Variants in CCNYL1 observed in about 807,000 individuals in gnomAD.
CCNYL1 encodes the protein cyclin-Y-like protein 1.
A neutral mutation model predicts 44.2 loss-of-function variants in CCNYL1; 16 were observed. The observed-to-expected ratio is 0.36, with a 90% confidence interval of 0.25 to 0.55. The LOEUF (loss-of-function observed/expected upper bound fraction) is 0.55, where lower values mean the gene tolerates loss of function less well. Among genes scored for constraint, CCNYL1 ranks in the 20% least tolerant of loss-of-function variants. CCNYL1 has a pLI of 0.85. For synonymous variants in CCNYL1, 159 were observed against 163.2 expected, an observed-to-expected ratio of 0.97 and a Z score of 0.20; for missense variants, 348 against 451.8, an observed-to-expected ratio of 0.77 and a Z score of 2.08.
At chr2:207,718,399 T>C (rs1433857183) in intron 1 of CCNYL1, among the ~76,000 whole-genome samples, 1 of 151,608 alleles carries the variant, frequency 6.6e-6, no homozygotes, top group Non-Finnish European at 1.5e-5. Context: ...TCCCAGCTAC[T>C]CAAGAAGCTG....
chr2:207,712,547 G>C (rs1015399990), intron 1 of CCNYL1, among the ~76,000 whole-genome samples: 3 of 152,146 alleles, frequency 2.0e-5, no homozygotes. Context: ...GAAGGAACCA[G>C]GTAAGGGTCT....
Position 207,753,898 on chromosome 2 carries a change from G to C in CCNYL1, c.*200G>C. ...TGTCAATGCAACAAAACACTCTTCT[G>C]TCCTTTTTAATGTAAACAGAGTTAC... is the stretch of plus-strand genomic sequence containing the variant. On this transcript the variant is annotated 3_prime_UTR_variant, in exon 10 of 10. Transcript: ENST00000295414. 2 of 473,200 alleles carry C rather than the reference G, an allele frequency of 4.2e-6. No homozygotes were observed. Among genetic ancestry groups the C allele is most frequent in the Non-Finnish European group, 7.5e-6 (2 of 266,292 alleles). The allele number at this position is 473,200 out of a possible 1,614,324, so 29.3% of individuals were successfully genotyped here.
chr2:207,721,346 A>G (rs1481956456), intron 1 of CCNYL1, among the ~76,000 whole-genome samples: 2 of 152,212 alleles, frequency 1.3e-5, no homozygotes, highest in Admixed American at 6.5e-5. Flanking sequence ...GACAAGAAAA[A>G]TAATTTCTTT....
intron 1 of CCNYL1, among the ~76,000 whole-genome samples, chr2:207,715,714 T>C (rs1004273658): frequency 5.6e-5 from 8 of 143,560 alleles, no homozygotes; most frequent in Non-Finnish European, 3.0e-5. Flanking sequence ...TTCGCTCTTG[T>C]TGCTCAGGCT....
At chr2:207,729,250 G>GCCCCCCCCCCCCCCCCCCCCCCCCCTCC (rs1247562126) in intron 3 of CCNYL1, among the ~76,000 whole-genome samples, 1 of 68,188 alleles carries the variant, frequency 1.5e-5, no homozygotes, top group Non-Finnish European at 2.5e-5. Context: ...ACTTGTCTCC[G>GCCCCCCCCCCCCCCCCCCCCCCCCCTCC]CCCCCCCCCG....
chr2:207,750,842 T>C lies in CCNYL1; in HGVS notation c.807-115T>C, dbSNP rs539452010. ...AGTATGTTAATACAACTGGGTAGCCTATATTTTAAAATAGAGTTTAGAGCC... is the reference window on the plus strand; with the variant it reads ...AGTATGTTAATACAACTGGGTAGCCCATATTTTAAAATAGAGTTTAGAGCC... On this transcript the variant is annotated intron_variant, in intron 8 of 9. Transcript: ENST00000295414. 8.3e-6 allele frequency: 7 copies of C among 843,234 alleles called. No individual in the cohort carries two copies. The African/African-American group carries it at 1.2e-4, about 14-fold the overall frequency. The allele number at this position is 843,234 out of a possible 1,614,324, so 52.2% of individuals were successfully genotyped here. A position where few individuals can be genotyped will look rare whatever the true frequency, so the allele number is the denominator to read the frequency against.
rs752815298 is a variant in CCNYL1, at chr2:207,742,363, A to C, written c.639+21A>C. ...CTTTGGTAAGATATTTCTCATTTAT[A>C]AAGTGTCTTTAGAAATTAGTCTTGT... On this transcript the variant is annotated intron_variant, in intron 7 of 9. Coordinates refer to ENST00000295414, the MANE Select transcript of CCNYL1 (RefSeq NM_001330218.2). 6.9e-6 allele frequency: 11 copies of C among 1,603,100 alleles called. No individual in the cohort carries two copies. In the South Asian group the frequency reaches 1.0e-4, roughly 15 times the overall value.
At chr2:207,721,626 A>G in intron 1 of CCNYL1, among the ~76,000 whole-genome samples, 1 of 152,238 alleles carries the variant, frequency 6.6e-6, no homozygotes, top group Admixed American at 6.5e-5. Flanking sequence ...TGCAATTTAA[A>G]TTGATAATAC....
intron 2 of CCNYL1, among the ~76,000 whole-genome samples, chr2:207,725,921 A>G (rs1242225565): frequency 1.3e-5 from 2 of 152,234 alleles, no homozygotes; most frequent in Non-Finnish European, 2.9e-5. Context: ...TGGGGGTTCT[A>G]TAATACTTGA....
At chr2:207,736,621 C>A (rs10193350) in intron 4 of CCNYL1, among the ~76,000 whole-genome samples, 2,216 of 152,208 alleles carry the variant, frequency 0.015, 51 homozygotes, top group African/African-American at 0.051. Flanking sequence ...CAAAATTGAT[C>A]ATAAATGATT....
Position 207,735,749 on chromosome 2 carries a change from C to T in CCNYL1, c.432-1662C>T, listed in dbSNP as rs569033163. On this transcript the variant is annotated intron_variant, in intron 4 of 9. Coordinates refer to ENST00000295414, the MANE Select transcript of CCNYL1 (RefSeq NM_001330218.2). ...AAGCGTGGTGGCGTGCACCTGTAAT[C>T]CCAGCTACTTGGGAGGCTGAGACAG... 4.6e-5 allele frequency among the ~76,000 whole-genome samples: 7 copies of T among 152,186 alleles called. No homozygotes were observed. In the South Asian group the frequency reaches 1.5e-3, roughly 32 times the overall value.
chr2:207,713,510 A>G (rs1473553818), intron 1 of CCNYL1, among the ~76,000 whole-genome samples: 1 of 152,220 alleles, frequency 6.6e-6, no homozygotes, highest in Non-Finnish European at 1.5e-5. Flanking sequence ...GGAAAGAGAT[A>G]AGTCTAGGTA....
intron 3 of CCNYL1, among the ~76,000 whole-genome samples, chr2:207,729,434 A>G (rs1023015495): frequency 6.6e-6 from 1 of 150,764 alleles, no homozygotes; most frequent in Non-Finnish European, 1.5e-5. Flanking sequence ...AATTTTCACC[A>G]CTCCCATGCA....
At chr2:207,740,330 C>T (rs932220954) in intron 5 of CCNYL1, among the ~76,000 whole-genome samples, 2 of 152,124 alleles carry the variant, frequency 1.3e-5, no homozygotes, top group East Asian at 1.9e-4. Context: ...CTGTGTAAAA[C>T]GTTCTTGAGT....
In CCNYL1 at chr2:207,711,777, C is replaced by T. The variant is rs1217974511; in HGVS notation, c.-120C>T. The T allele has an allele frequency of 1.7e-6, 1 of 601,084 alleles. No individual in the cohort carries two copies. The allele number at this position is 601,084 out of a possible 1,614,324, so 37.2% of individuals were successfully genotyped here. Reference sequence around the variant, plus strand: ...GCGGCGTCTGCTTGCGCGGTGCAGCCCCAGCGTAGCCCGGGGCTGCCGGTG... The same window carrying T: ...GCGGCGTCTGCTTGCGCGGTGCAGCTCCAGCGTAGCCCGGGGCTGCCGGTG... On this transcript the variant is annotated 5_prime_UTR_variant, in exon 1 of 10. Transcript: ENST00000295414.
chr2:207,718,787 A>G (rs2091617245), intron 1 of CCNYL1, among the ~76,000 whole-genome samples: 1 of 152,248 alleles, frequency 6.6e-6, no homozygotes, highest in South Asian at 2.1e-4. Flanking sequence ...AAACATTGCA[A>G]ATGCATTTAA....
intron 1 of CCNYL1, among the ~76,000 whole-genome samples, chr2:207,722,751 G>C (rs2091650496): frequency 6.6e-6 from 1 of 152,066 alleles, no homozygotes. Context: ...ACAAGGTCAG[G>C]AGTTTGAGAC....
chr2:207,735,306 T>TTA (rs200706406), intron 4 of CCNYL1, among the ~76,000 whole-genome samples: 1 of 152,226 alleles, frequency 6.6e-6, no homozygotes, highest in East Asian at 1.9e-4. Flanking sequence ...TTATCATGGC[T>TTA]TACTAGTGCG....
rs748491839 is a variant in CCNYL1, at chr2:207,724,838, G to A, written c.259G>A (p.Ala87Thr). 5 of 1,613,290 alleles carry A rather than the reference G, an allele frequency of 3.1e-6. No individual in the cohort carries two copies. Among genetic ancestry groups the A allele is most frequent in the Non-Finnish European group, 4.2e-6 (5 of 1,179,760 alleles). Residue 87 changes from alanine (A) to threonine (T), a missense_variant, in exon 2 of 10, where the codon GCA (alanine) becomes ACA (threonine). This residue lies in a region of CCNYL1 where 209 missense variants were observed against 247.7 expected (regional missense o/e 0.84). Coordinates refer to ENST00000295414, the MANE Select transcript of CCNYL1 (RefSeq NM_001330218.2). ...LESNPSDHPRASTIFLSKSQT... is the reference protein window; with the variant it reads ...LESNPSDHPRTSTIFLSKSQT... The stretch of plus-strand genomic sequence containing the variant: ...GTCAAACCCTTCTGACCATCCAAGG[G>A]CAAGCACAATTTTCCTGAGCAAATC...
Sources: gnomAD v4.1 joint callset for allele counts (sites outside exome capture counted in the v4.1 genomes callset) on GRCh38, gnomAD v4.1.1 for gene constraint, gnomAD v4.1.1 regional missense constraint, MANE v1.5 for transcripts, NCBI Gene and HGNC (gene_info 2026-07-23, HGNC 2026-07-21) for gene names.